ZNF536: variants seen among roughly 807,000 people sequenced by gnomAD.
The protein encoded by ZNF536 is zinc finger protein 536.
In ZNF536, 13 loss-of-function variants were observed where a neutral mutation model predicts 84.5. The observed-to-expected ratio is 0.15, with a 90% CI of 0.10 to 0.24. The LOEUF (loss-of-function observed/expected upper bound fraction) is 0.24, where lower values mean the gene tolerates loss of function less well. ZNF536 is among the 10% of genes least tolerant of loss of function. The pLI is 1.00. For missense variants in ZNF536, 1,536 were observed against 1,747.5 expected, an observed-to-expected ratio of 0.88 and a Z score of 2.16; for synonymous variants, 811 against 742.5, an observed-to-expected ratio of 1.09 and a Z score of -1.50.
intron 2 of ZNF536, among the ~76,000 whole-genome samples, chr19:30,350,846 T>G (rs1051512620): frequency 1.3e-5 from 2 of 152,234 alleles, no homozygotes; most frequent in African/African-American, 2.4e-5. Context: ...TAGGTATGTT[T>G]CTATTAGTAT....
At chr19:30,693,289 T>C (rs1325062110) in intron 1 of ZNF536, among the ~76,000 whole-genome samples, 4 of 152,206 alleles carry the variant, frequency 2.6e-5, no homozygotes, top group Non-Finnish European at 5.9e-5. Context: ...CAAGATGGCG[T>C]GTAGACTGCA....
upstream of ZNF536, among the ~76,000 whole-genome samples, chr19:30,369,533 C>T (rs529316438): frequency 3.4e-5 from 2 of 58,932 alleles, no homozygotes; most frequent in South Asian, 1.1e-3. Flanking sequence ...GTCACTGTCC[C>T]GGGGTGTGGT....
chr19:30,385,070 T>G (rs2049282841), intron 1 of ZNF536, among the ~76,000 whole-genome samples: 1 of 151,952 alleles, frequency 6.6e-6, no homozygotes, highest in African/African-American at 2.4e-5. Context: ...TCCCATTGGT[T>G]GCCAGTCCTT....
chr19:30,271,756 C>T (rs2025866310), intron 1 of ZNF536, among the ~76,000 whole-genome samples: 1 of 152,144 alleles, frequency 6.6e-6, no homozygotes. Context: ...GTGAGAGTAA[C>T]CACCTTGTGA....
intron 2 of ZNF536, among the ~76,000 whole-genome samples, chr19:30,476,807 A>G (rs1170806321): frequency 6.6e-6 from 1 of 151,978 alleles, no homozygotes; most frequent in Non-Finnish European, 1.5e-5. Context: ...TGATTTGCGA[A>G]CTTCTCCGGT....
At chr19:30,438,774 G>A (rs1042824818) in intron 1 of ZNF536, among the ~76,000 whole-genome samples, 5 of 152,114 alleles carry the variant, frequency 3.3e-5, no homozygotes, top group Admixed American at 2.6e-4. Context: ...ACTTCCCAAG[G>A]CTCAAGTGAT....
At chr19:30,239,438 C>A (rs1051655764) in intron 1 of ZNF536, among the ~76,000 whole-genome samples, 1 of 152,210 alleles carries the variant, frequency 6.6e-6, no homozygotes, top group Non-Finnish European at 1.5e-5. Context: ...AGGTTGCATG[C>A]CCTTCAGACT....
intron 2 of ZNF536, among the ~76,000 whole-genome samples, chr19:30,294,443 C>T (rs1359777179): frequency 6.6e-6 from 1 of 151,948 alleles, no homozygotes; most frequent in Admixed American, 6.6e-5. Flanking sequence ...AATTTTTATT[C>T]CTCAACAGAA....
At chr19:30,502,346 T>C (rs975411258) in intron 2 of ZNF536, among the ~76,000 whole-genome samples, 7 of 152,094 alleles carry the variant, frequency 4.6e-5, no homozygotes, top group African/African-American at 1.4e-4. Context: ...TGGGTGGGAA[T>C]GGTTTTTTTT....
At chr19:30,253,156 A>T (rs1028799792) in intron 1 of ZNF536, among the ~76,000 whole-genome samples, 2 of 152,208 alleles carry the variant, frequency 1.3e-5, no homozygotes, top group Non-Finnish European at 2.9e-5. Context: ...AGACCCTCCT[A>T]GTCAAATGTG....
intron 3 of ZNF536, among the ~76,000 whole-genome samples, chr19:30,535,930 C>T (rs1018800341): frequency 3.3e-5 from 5 of 151,970 alleles, no homozygotes; most frequent in Non-Finnish European, 7.4e-5. Flanking sequence ...ATGGGCATCG[C>T]GTGGGGGGAG....
chr19:30,520,209 T>A (rs1312979371), intron 2 of ZNF536, among the ~76,000 whole-genome samples: 1 of 152,218 alleles, frequency 6.6e-6, no homozygotes. Flanking sequence ...GAAACATTTC[T>A]TAGATCTCAT....
chr19:30,437,435 G>A (rs1203424781), intron 1 of ZNF536, among the ~76,000 whole-genome samples: 1 of 152,222 alleles, frequency 6.6e-6, no homozygotes, highest in African/African-American at 2.4e-5. Flanking sequence ...TGATGAGACA[G>A]AATGTATTTT....
intron 1 of ZNF536, among the ~76,000 whole-genome samples, chr19:30,418,122 A>T (rs1040506184): frequency 2.6e-5 from 4 of 151,880 alleles, no homozygotes; most frequent in African/African-American, 9.7e-5. Context: ...TTTTAATCAG[A>T]AACGAATACC....
chr19:30,291,227 G>C (rs969296835), intron 2 of ZNF536, among the ~76,000 whole-genome samples: 3 of 152,140 alleles, frequency 2.0e-5, no homozygotes, highest in African/African-American at 7.2e-5. Context: ...TGGGTTAAAT[G>C]GTATTTCTGG....
At chr19:30,682,011 G>A (rs1339808183) in intron 1 of ZNF536, among the ~76,000 whole-genome samples, 3 of 152,182 alleles carry the variant, frequency 2.0e-5, no homozygotes, top group African/African-American at 7.2e-5. Context: ...AAGGAAAAAA[G>A]GGAGGGCAGT....
chr19:30,643,240 G>A (rs1030081359), intron 1 of ZNF536, among the ~76,000 whole-genome samples: 2 of 152,150 alleles, frequency 1.3e-5, no homozygotes, highest in Non-Finnish European at 2.9e-5. Context: ...TGAAAATTGT[G>A]CTAAAATGTC....
At chr19:30,353,213 GA>G (rs2047987977) in intron 3 of ZNF536, among the ~76,000 whole-genome samples, 1 of 152,158 alleles carries the variant, frequency 6.6e-6, no homozygotes, top group Non-Finnish European at 1.5e-5. Context: ...CCGGTATTAA[GA>G]ATCGGAAGGG....
At chr19:30,596,633 A>G (rs2047473607) in intron 1 of ZNF536, among the ~76,000 whole-genome samples, 1 of 152,202 alleles carries the variant, frequency 6.6e-6, no homozygotes, top group Non-Finnish European at 1.5e-5. Context: ...GCTGAAATTA[A>G]CTGAAGTAAT....
Sources: gnomAD v4.1 joint callset for allele counts (sites outside exome capture counted in the v4.1 genomes callset) on GRCh38, gnomAD v4.1.1 for gene constraint, MANE v1.5 for transcripts, NCBI Gene and HGNC (gene_info 2026-07-23, HGNC 2026-07-21) for gene names.